Variants in ATP8A2 observed in about 807,000 individuals in gnomAD.
ATP8A2 encodes the protein ATPase phospholipid transporting 8A2, also known as phospholipid-transporting ATPase IB.
A neutral mutation model predicts 165.6 loss-of-function variants in ATP8A2; 100 were observed. The ratio of observed to expected loss-of-function variants is 0.60; its 90% confidence interval spans 0.51 to 0.71. The LOEUF (loss-of-function observed/expected upper bound fraction) is 0.71. Among genes scored for constraint, ATP8A2 ranks in the 30% least tolerant of loss-of-function variants. The probability of loss-of-function intolerance (pLI) is 0.00; values close to 1 mark genes in which losing one functional copy is unlikely to be tolerated. For missense variants in ATP8A2, 1,227 were observed against 1,479.5 expected, an observed-to-expected ratio of 0.83 and a Z score of 2.80; for synonymous variants, 543 against 548.8, an observed-to-expected ratio of 0.99 and a Z score of 0.15.
intron 1 of ATP8A2, among the ~76,000 whole-genome samples, chr13:25,397,921 G>A (rs113839842): frequency 6.6e-6 from 1 of 152,334 alleles, no homozygotes; most frequent in African/African-American, 2.4e-5. Flanking sequence ...AGCTTCACCT[G>A]AATTGTTGAA....
Position 25,478,164 on chromosome 13 carries a change from A to G in ATP8A2, c.221+9043A>G, listed in dbSNP as rs546628006. On this transcript the variant is annotated intron_variant, in intron 2 of 36. Coordinates refer to ENST00000381655, the MANE Select transcript of ATP8A2 (RefSeq NM_016529.6). ...GTGATGAGTAGATGGGAAAACCCTT[A>G]CTCTCGGGGCATCAAAGAACATTCC... Among the ~76,000 whole-genome samples the G allele has an allele frequency of 7.1e-4, 107 of 151,588 alleles. 1 individual carries two copies. Among genetic ancestry groups the G allele is most frequent in the African/African-American group, 2.5e-3 (103 of 41,316 alleles).
At chr13:25,992,593 T>C (rs1956416612) in intron 35 of ATP8A2, among the ~76,000 whole-genome samples, 1 of 152,204 alleles carries the variant, frequency 6.6e-6, no homozygotes, top group Admixed American at 6.5e-5. Flanking sequence ...TTGTGAATTA[T>C]GCTTTTGGTG....
At chr13:25,904,830 T>C (rs2138966545) in intron 33 of ATP8A2, among the ~76,000 whole-genome samples, 1 of 152,356 alleles carries the variant, frequency 6.6e-6, no homozygotes, top group East Asian at 1.9e-4. Flanking sequence ...TTCATTGATT[T>C]ATCCTCAACA....
At chr13:25,425,583 C>CTTTTTT (rs1197808475) in intron 1 of ATP8A2, among the ~76,000 whole-genome samples, 20 of 112,224 alleles carry the variant, frequency 1.8e-4, no homozygotes, top group Admixed American at 3.9e-4. Flanking sequence ...TCTTTCTTTC[C>CTTTTTT]TTTTTTTTTG....
At chr13:25,627,457 T>C (rs2041130893) in intron 24 of ATP8A2, among the ~76,000 whole-genome samples, 1 of 152,128 alleles carries the variant, frequency 6.6e-6, no homozygotes, top group South Asian at 2.1e-4. Context: ...GAAGCAATTA[T>C]GGTTAAATGA....
intron 2 of ATP8A2, among the ~76,000 whole-genome samples, chr13:25,497,878 C>T (rs1486888976): frequency 6.6e-6 from 1 of 152,118 alleles, no homozygotes; most frequent in Non-Finnish European, 1.5e-5. Flanking sequence ...AGGAGAATGG[C>T]ATGAACCTGG....
At chr13:25,731,646 G>A (rs2043648338) in intron 25 of ATP8A2, among the ~76,000 whole-genome samples, 1 of 152,212 alleles carries the variant, frequency 6.6e-6, no homozygotes, top group Non-Finnish European at 1.5e-5. Context: ...TAAGTGGAAT[G>A]TGCCTGTTGA....
At chr13:25,538,124 G>A (rs2038348867) in intron 7 of ATP8A2, 63 bp downstream of exon 7, 1 of 1,253,634 alleles carries the variant, frequency 8.0e-7, no homozygotes. Flanking sequence ...ATATTAAGCA[G>A]CACCTGGGGC....
At chr13:25,508,821 A>G (rs1395605058) in intron 2 of ATP8A2, among the ~76,000 whole-genome samples, 6 of 152,306 alleles carry the variant, frequency 3.9e-5, no homozygotes, top group African/African-American at 9.6e-5. Flanking sequence ...GGACCTTACC[A>G]ATGTAGACAT....
At position 25,953,898 on chromosome 13, in the gene ATP8A2, C is replaced by G. The variant is rs1325527882; in HGVS notation, c.3184-7677C>G. Among the ~76,000 whole-genome samples the G allele has an allele frequency of 6.6e-6, 1 of 152,158 alleles. No individual in the cohort carries two copies. The highest frequency in any genetic ancestry group is 2.4e-5 in the African/African-American group (1 of 41,448). On this transcript the variant is annotated intron_variant, in intron 33 of 36. Transcript: ENST00000381655. This position sits in a 1 kb window ranked among gnomAD's most constrained non-coding sequence, Gnocchi z 6.7. ...CCTCCGGTGCCTACATCACCAGGGC[C>G]CTGGGTTTCAAGCACAAAACTGCAT...
chr13:25,588,792 G>A (rs2039990890), intron 23 of ATP8A2, among the ~76,000 whole-genome samples: 1 of 152,194 alleles, frequency 6.6e-6, no homozygotes, highest in Non-Finnish European at 1.5e-5. Context: ...GGCACTGAGA[G>A]GATGGCAAGG....
At chr13:25,795,963 T>A (rs1950490748) in intron 27 of ATP8A2, among the ~76,000 whole-genome samples, 1 of 152,104 alleles carries the variant, frequency 6.6e-6, no homozygotes, top group South Asian at 2.1e-4. Flanking sequence ...TTTTTTTTTT[T>A]TTAAAAGACA....
Position 25,564,023 on chromosome 13 carries a change from G to A in ATP8A2, c.1465G>A (p.Asp489Asn). The A allele has an allele frequency of 6.2e-7, 1 of 1,611,650 alleles. No homozygotes were observed. The highest frequency in any genetic ancestry group is 8.5e-7 in the Non-Finnish European group (1 of 1,177,794). Residue 489 changes from aspartate to asparagine, a missense_variant, in exon 16 of 37, where the codon GAT becomes AAT. Transcript: ENST00000381655. ...CCCCAGGCTGTTGAAGAACATTGAG[G>A]ATCGCCATGTAAGTGCTCTGTTTTA... is the stretch of plus-strand genomic sequence containing the variant. ...DDPRLLKNIE[D>N]RHPTAPCIQE... is the part of the protein sequence containing the mutation.
At chr13:25,551,594 G>A (rs2038826702) in intron 11 of ATP8A2, 91 bp downstream of exon 11, 25 of 1,211,950 alleles carry the variant, frequency 2.1e-5, no homozygotes, top group South Asian at 1.5e-4. Context: ...TGTCCCTGCT[G>A]TCCTTCTGTT....
intron 2 of ATP8A2, among the ~76,000 whole-genome samples, chr13:25,475,857 G>A (rs1345103859): frequency 2.0e-5 from 3 of 152,072 alleles, no homozygotes; most frequent in Admixed American, 6.6e-5. Flanking sequence ...ACTTTTTAAT[G>A]TGGTTGTTAG....
chr13:25,714,393 G>T (rs572880976), intron 25 of ATP8A2, among the ~76,000 whole-genome samples: 5 of 152,052 alleles, frequency 3.3e-5, no homozygotes, highest in African/African-American at 4.8e-5. Flanking sequence ...TCAAGGCAGG[G>T]TACCTTGAGT....
In ATP8A2 at chr13:25,372,698, G is replaced by T. The variant is rs533314849; in HGVS notation, c.76+410G>T. ...GAAGATGCAGCCTTCCCTGCCGGCG[G>T]CCGGCACCGCTGTGCTGCAGAGCTC... On this transcript the variant is annotated intron_variant, in intron 1 of 36. Coordinates refer to ENST00000381655, the MANE Select transcript of ATP8A2 (RefSeq NM_016529.6). This position sits in a 1 kb window ranked among gnomAD's most constrained non-coding sequence, Gnocchi z 4.8. Among the ~76,000 whole-genome samples, 79 of 152,318 alleles carry T rather than the reference G, an allele frequency of 5.2e-4. No homozygotes were observed. The highest frequency in any genetic ancestry group is 1.8e-3 in the African/African-American group (76 of 41,570).
chr13:25,543,465 G>A (rs1364225064), intron 10 of ATP8A2, 63 bp downstream of exon 10: 9 of 1,093,426 alleles, frequency 8.2e-6, no homozygotes, highest in African/African-American at 6.2e-5. Flanking sequence ...ACTAGAAGGT[G>A]GAAAATGCAG....
intron 2 of ATP8A2, among the ~76,000 whole-genome samples, chr13:25,486,272 A>G (rs141262345): frequency 3.5e-4 from 54 of 152,332 alleles, no homozygotes; most frequent in African/African-American, 1.2e-3. Context: ...GGTGTTTGCC[A>G]TAGAGTTAAA....
Sources: allele counts gnomAD v4.1 joint callset (sites outside exome capture counted in the v4.1 genomes callset), GRCh38; gene constraint gnomAD v4.1.1; non-coding constraint Gnocchi (gnomAD v3.1); transcripts MANE v1.5; gene names NCBI Gene and HGNC (gene_info 2026-07-23, HGNC 2026-07-21).